OSBPL10: variants seen among roughly 807,000 people sequenced by gnomAD.
The protein encoded by OSBPL10 is oxysterol-binding protein-related protein 10.
Under a neutral mutation model 81.7 loss-of-function variants are expected in OSBPL10, and 49 were observed. The ratio of observed to expected loss-of-function variants is 0.60; its 90% CI spans 0.48 to 0.76. The LOEUF (loss-of-function observed/expected upper bound fraction) is 0.76. Ranked by LOEUF, OSBPL10 falls within the 30% of genes least tolerant of loss-of-function variation. The pLI is 0.00. For missense variants in OSBPL10, 923 were observed against 987.8 expected (o/e 0.93, Z 0.88); for synonymous variants, 419 against 383.6 (o/e 1.09, Z -1.08).
intron 5 of OSBPL10, among the ~76,000 whole-genome samples, chr3:31,744,053 C>T (rs780436408): frequency 6.6e-6 from 1 of 152,188 alleles, no homozygotes; most frequent in African/African-American, 2.4e-5. Context: ...CAAGAAGTAA[C>T]TCTGCTTTCC....
At chr3:31,695,181 T>C (rs75386932) in intron 7 of OSBPL10, among the ~76,000 whole-genome samples, 1,746 of 152,310 alleles carry the variant, frequency 0.011, 18 homozygotes, top group East Asian at 0.035. Flanking sequence ...CCCCACCTTC[T>C]ACCTACTCTC....
chr3:31,672,432 G>A (rs1700348924), intron 8 of OSBPL10, among the ~76,000 whole-genome samples: 1 of 137,734 alleles, frequency 7.3e-6, no homozygotes, highest in Non-Finnish European at 1.6e-5. Flanking sequence ...TAGGGAGAGA[G>A]AGAAGGAAGG....
chr3:31,705,844 T>A (rs1696047465), intron 6 of OSBPL10, among the ~76,000 whole-genome samples: 1 of 152,108 alleles, frequency 6.6e-6, no homozygotes, highest in South Asian at 2.1e-4. Flanking sequence ...CAGAACAGTG[T>A]TCCCCCATCT....
chr3:31,843,828 C>CATA (rs1171857119), intron 3 of OSBPL10, among the ~76,000 whole-genome samples: 15 of 152,294 alleles, frequency 9.8e-5, no homozygotes, highest in Non-Finnish European at 2.2e-4. Flanking sequence ...ATCTCCAAGA[C>CATA]ATATACCCCG....
At chr3:31,727,148 T>C (rs1307683914) in intron 6 of OSBPL10, among the ~76,000 whole-genome samples, 2 of 152,158 alleles carry the variant, frequency 1.3e-5, no homozygotes, top group African/African-American at 4.8e-5. Context: ...TTTATTACTA[T>C]TTGAGCTATT....
intron 2 of OSBPL10, chr3:31,989,527 C>T: frequency 6.2e-7 from 1 of 1,614,158 alleles, no homozygotes; most frequent in Non-Finnish European, 8.5e-7. Flanking sequence ...TGGAAACAAG[C>T]CTATCAAAGA....
At chr3:31,984,064 G>A (rs753076518), upstream of OSBPL10, among the ~76,000 whole-genome samples, 2 of 152,006 alleles carry the variant, frequency 1.3e-5, no homozygotes, top group Non-Finnish European at 2.9e-5. Flanking sequence ...TGAGACTGGA[G>A]TCTCGCTCTG....
chr3:31,962,394 G>A (rs1165720507), intron 1 of OSBPL10, among the ~76,000 whole-genome samples: 2 of 152,134 alleles, frequency 1.3e-5, no homozygotes, highest in African/African-American at 4.8e-5. Flanking sequence ...AATTTGGGAT[G>A]ATAAAAAAGT....
chr3:31,901,928 G>A (rs996414024), intron 1 of OSBPL10, among the ~76,000 whole-genome samples: 1 of 152,160 alleles, frequency 6.6e-6, no homozygotes, highest in Non-Finnish European at 1.5e-5. Flanking sequence ...TACTTGGAAG[G>A]CTGAGACAGG....
chr3:31,815,861 G>T (rs9833953), intron 4 of OSBPL10, among the ~76,000 whole-genome samples: 1,744 of 152,262 alleles, frequency 0.011, 36 homozygotes, highest in African/African-American at 0.039. Flanking sequence ...ATATGTTATT[G>T]TCTCGAGCCT....
At chr3:31,959,945 C>T (rs1277545360) in intron 1 of OSBPL10, among the ~76,000 whole-genome samples, 1 of 152,096 alleles carries the variant, frequency 6.6e-6, no homozygotes, top group African/African-American at 2.4e-5. Flanking sequence ...CAAAATTATT[C>T]CTGGATTGTG....
chr3:31,677,954 G>A lies in OSBPL10; in HGVS notation c.1726+5680C>T, dbSNP rs538546267. Reference sequence around the variant, plus strand: ...AAATTAGCCGGGCGCGGTGGCGGGCGCCTGTAGTCCCAGCTACTCGGGAGG... The same window carrying A: ...AAATTAGCCGGGCGCGGTGGCGGGCACCTGTAGTCCCAGCTACTCGGGAGG... On this transcript the variant is annotated intron_variant, in intron 8 of 11. Coordinates refer to ENST00000396556, the MANE Select transcript of OSBPL10 (RefSeq NM_017784.5). Among the ~76,000 whole-genome samples the A allele has an allele frequency of 2.6e-4, 40 of 151,184 alleles. No homozygotes were observed. In the East Asian group the frequency reaches 4.1e-3, roughly 15 times the overall value.
intron 4 of OSBPL10, among the ~76,000 whole-genome samples, chr3:31,811,009 C>G (rs2125476132): frequency 6.6e-6 from 1 of 152,226 alleles, no homozygotes; most frequent in South Asian, 2.1e-4. Flanking sequence ...TCGAGGAGGT[C>G]AATGAGGACA....
intron 3 of OSBPL10, among the ~76,000 whole-genome samples, chr3:31,870,119 A>G (rs1370130199): frequency 6.6e-6 from 1 of 152,162 alleles, no homozygotes; most frequent in African/African-American, 2.4e-5. Context: ...GGAGGTGTGG[A>G]GGGACAGGCG....
chr3:31,853,189 G>A (rs756018462), intron 3 of OSBPL10, among the ~76,000 whole-genome samples: 1 of 152,168 alleles, frequency 6.6e-6, no homozygotes, highest in Non-Finnish European at 1.5e-5. Context: ...CAGGTAGTCA[G>A]GCATCAGCAA....
intron 4 of OSBPL10, among the ~76,000 whole-genome samples, chr3:31,815,579 A>G (rs1045851595): frequency 6.6e-6 from 1 of 152,190 alleles, no homozygotes; most frequent in African/African-American, 2.4e-5. Context: ...AGAATGCCCA[A>G]GCATCTAATG....
intron 4 of OSBPL10, among the ~76,000 whole-genome samples, chr3:31,782,140 A>G (rs1698712592): frequency 2.0e-5 from 3 of 152,220 alleles, no homozygotes. Context: ...GAATCCAGAA[A>G]TAAAGTCAAA....
chr3:31,916,029 G>C (rs913375707), intron 1 of OSBPL10, among the ~76,000 whole-genome samples: 3 of 150,912 alleles, frequency 2.0e-5, no homozygotes, highest in African/African-American at 7.3e-5. Flanking sequence ...CCGGGAGGTG[G>C]AGGTTGCAGT....
chr3:31,820,027 ATC>A (rs1010744876), intron 4 of OSBPL10, among the ~76,000 whole-genome samples: 2 of 152,048 alleles, frequency 1.3e-5, no homozygotes, highest in Non-Finnish European at 2.9e-5. Context: ...CTTAATGTAG[ATC>A]TCCTATGGTT....
Sources: gnomAD v4.1 joint callset for allele counts (sites outside exome capture counted in the v4.1 genomes callset) on GRCh38, gnomAD v4.1.1 for gene constraint, MANE v1.5 for transcripts, NCBI Gene and HGNC (gene_info 2026-07-23, HGNC 2026-07-21) for gene names.